SNTG1: variants seen among roughly 807,000 people sequenced by gnomAD.
SNTG1 encodes the protein gamma-1-syntrophin.
Under a neutral mutation model 74.7 loss-of-function variants are expected in SNTG1, and 39 were observed. That is an observed-to-expected ratio of 0.52 (90% confidence interval 0.40 to 0.68). The LOEUF is 0.68. Among genes scored for constraint, SNTG1 ranks in the 30% least tolerant of loss-of-function variants. The pLI is 0.00. For missense variants in SNTG1, 685 were observed against 609.5 expected (o/e 1.12, Z -1.30); for synonymous variants, 254 against 217.1 (o/e 1.17, Z -1.49).
intron 4 of SNTG1, among the ~76,000 whole-genome samples, chr8:50,431,970 A>G (rs2093241847): frequency 1.3e-5 from 2 of 152,172 alleles, no homozygotes; most frequent in Admixed American, 1.3e-4. Context: ...CCTCTAGTCC[A>G]TAGCTTGTCT....
rs190806489 is a variant in SNTG1, at chr8:49,954,986, T to C, written c.-103+42755T>C. Among the ~76,000 whole-genome samples the C allele has an allele frequency of 3.1e-3, 476 of 152,324 alleles. 1 individual carries two copies. The highest frequency in any genetic ancestry group is 4.8e-3 in the Non-Finnish European group (325 of 68,012). On this transcript the variant is annotated intron_variant, in intron 1 of 18. Transcript: ENST00000642720. ...GGTCTGTTATCAATGACTCAAAAAATGTGATCAAATCTGAAGTGTTTCCAT... is the reference window on the plus strand; with the variant it reads ...GGTCTGTTATCAATGACTCAAAAAACGTGATCAAATCTGAAGTGTTTCCAT...
chr8:50,219,078 A>T (rs868450869), intron 2 of SNTG1, among the ~76,000 whole-genome samples: 7 of 152,220 alleles, frequency 4.6e-5, no homozygotes, highest in Middle Eastern at 3.2e-3. Context: ...GAAGAGAAGA[A>T]AGTAACCAAA....
intron 2 of SNTG1, among the ~76,000 whole-genome samples, chr8:50,391,209 G>A (rs866358691): frequency 6.6e-6 from 1 of 152,102 alleles, no homozygotes; most frequent in South Asian, 2.1e-4. Context: ...CTGTGGTTTT[G>A]TCATACATAA....
intron 12 of SNTG1, among the ~76,000 whole-genome samples, chr8:50,557,767 A>G (rs2094465026): frequency 6.6e-6 from 1 of 152,290 alleles, no homozygotes; most frequent in Middle Eastern, 3.4e-3. Context: ...TGGGAGGAGC[A>G]TTTTTGGCCT....
intron 2 of SNTG1, among the ~76,000 whole-genome samples, chr8:50,360,221 C>G (rs140191631): frequency 6.6e-6 from 1 of 152,028 alleles, no homozygotes; most frequent in Non-Finnish European, 1.5e-5. Context: ...CAACAAACTT[C>G]GCAGTGAATT....
chr8:50,704,849 G>C, intron 16 of SNTG1, 97 bp downstream of exon 16: 1 of 1,400,062 alleles, frequency 7.1e-7, no homozygotes, highest in African/African-American at 1.4e-5. Context: ...TAAAAATACA[G>C]TTCTGGGAAT....
chr8:50,072,620 A>G (rs952495549), intron 1 of SNTG1, among the ~76,000 whole-genome samples: 3 of 152,200 alleles, frequency 2.0e-5, no homozygotes, highest in African/African-American at 7.2e-5. Flanking sequence ...AGTGAGAAAC[A>G]TCATACTTTT....
chr8:50,269,819 A>G (rs951415056), intron 2 of SNTG1, among the ~76,000 whole-genome samples: 1 of 152,160 alleles, frequency 6.6e-6, no homozygotes, highest in Non-Finnish European at 1.5e-5. Context: ...ACTGTGGTAC[A>G]GGCAGTATGT....
intron 13 of SNTG1, among the ~76,000 whole-genome samples, chr8:50,595,668 G>T (rs931072775): frequency 3.3e-5 from 5 of 151,998 alleles, no homozygotes; most frequent in Non-Finnish European, 5.9e-5. Context: ...GGGAACAAAT[G>T]TAGCAAAATT....
At chr8:50,604,700 G>A (rs529588365) in intron 13 of SNTG1, among the ~76,000 whole-genome samples, 1 of 152,222 alleles carries the variant, frequency 6.6e-6, no homozygotes, top group African/African-American at 2.4e-5. Flanking sequence ...TCTAGGCCTG[G>A]ATTTAGCCAC....
At chr8:50,788,666 A>G (rs1180439187) in intron 18 of SNTG1, among the ~76,000 whole-genome samples, 1 of 152,016 alleles carries the variant, frequency 6.6e-6, no homozygotes, top group Admixed American at 6.6e-5. Flanking sequence ...TCCAGATTTT[A>G]TGCCTAAAAT....
intron 13 of SNTG1, among the ~76,000 whole-genome samples, chr8:50,647,592 T>G (rs2095117895): frequency 6.6e-6 from 1 of 152,112 alleles, no homozygotes; most frequent in Admixed American, 6.6e-5. Flanking sequence ...TCAGTTTTGC[T>G]GTGAACCCAA....
In SNTG1 at chr8:50,433,166, C is replaced by A. The variant is rs2093259765; in HGVS notation, c.163-5377C>A. Among the ~76,000 whole-genome samples the A allele has an allele frequency of 1.3e-5, 2 of 152,124 alleles. 1 individual carries two copies. Among genetic ancestry groups the A allele is most frequent in the Admixed American group, 1.3e-4 (2 of 15,268 alleles). On this transcript the variant is annotated intron_variant, in intron 4 of 18. Transcript: ENST00000642720. The stretch of plus-strand genomic sequence containing the variant: ...AATTTTCAATTCCAATTTCTCATTG[C>A]TGATATGTAAGAAAGCAATTTAATT...
chr8:50,418,770 C>T (rs2093045064), intron 4 of SNTG1, among the ~76,000 whole-genome samples: 1 of 152,052 alleles, frequency 6.6e-6, no homozygotes, highest in Admixed American at 6.6e-5. Context: ...CACAACGTTT[C>T]CTATCCCAAT....
chr8:50,087,684 G>A lies in SNTG1; in HGVS notation c.-102-84877G>A, dbSNP rs1314218062. Among the ~76,000 whole-genome samples, 4 of 152,064 alleles carry A rather than the reference G, an allele frequency of 2.6e-5. No individual in the cohort carries two copies. The South Asian group carries it at 6.2e-4, about 24-fold the overall frequency. On this transcript the variant is annotated intron_variant, in intron 1 of 18. Coordinates refer to ENST00000642720, the MANE Select transcript of SNTG1 (RefSeq NM_018967.5). ...TTTCAAAGTATATGAGGATAATAGT[G>A]TTATTAACCTTTAAATGTAAACAAT...
intron 15 of SNTG1, among the ~76,000 whole-genome samples, chr8:50,670,379 G>A (rs146047593): frequency 0.06 from 9,030 of 151,724 alleles, 1,004 homozygotes; most frequent in African/African-American, 0.21. Context: ...AAAATCACAA[G>A]CATTCTTATA....
At chr8:50,493,404 G>T (rs1276283998) in intron 8 of SNTG1, among the ~76,000 whole-genome samples, 1 of 152,150 alleles carries the variant, frequency 6.6e-6, no homozygotes, top group Non-Finnish European at 1.5e-5. Context: ...ACTTTTCTGG[G>T]ACTTTTCTAA....
At chr8:50,158,016 T>G (rs144530438) in intron 1 of SNTG1, among the ~76,000 whole-genome samples, 3 of 152,242 alleles carry the variant, frequency 2.0e-5, no homozygotes, top group Non-Finnish European at 4.4e-5. Flanking sequence ...TCCTGGCAAA[T>G]TGTAAATACC....
At chr8:50,784,376 A>T (rs908106091) in intron 18 of SNTG1, among the ~76,000 whole-genome samples, 1 of 152,194 alleles carries the variant, frequency 6.6e-6, no homozygotes, top group Non-Finnish European at 1.5e-5. Flanking sequence ...AATAATGAAA[A>T]AAGAACCCGA....
Sources: allele counts gnomAD v4.1 joint callset (sites outside exome capture counted in the v4.1 genomes callset), GRCh38; gene constraint gnomAD v4.1.1; transcripts MANE v1.5; gene names NCBI Gene and HGNC (gene_info 2026-07-23, HGNC 2026-07-21).